Variants in AUTS2 observed in about 807,000 individuals in gnomAD.
AUTS2 encodes autism susceptibility gene 2 protein.
Under a neutral mutation model 112.4 loss-of-function variants are expected in AUTS2, and 17 were observed. The ratio of observed to expected loss-of-function variants is 0.15; its 90% CI spans 0.10 to 0.23. The LOEUF (loss-of-function observed/expected upper bound fraction) is 0.23, where lower values mean the gene tolerates loss of function less well. Ranked by LOEUF, AUTS2 falls within the 10% of genes least tolerant of loss-of-function variation. The pLI, the probability that AUTS2 is intolerant of heterozygous loss-of-function variation, is 1.00. For synonymous variants in AUTS2, 751 were observed against 702.7 expected (o/e 1.07, Z -1.09); for missense variants, 1,510 against 1,701.6 (o/e 0.89, Z 1.98).
At chr7:70,117,125 TTG>T (rs746737443) in intron 2 of AUTS2, among the ~76,000 whole-genome samples, 11 of 122,728 alleles carry the variant, frequency 9.0e-5, no homozygotes, top group African/African-American at 3.4e-4. Flanking sequence ...TTGTTTTTTT[TTG>T]TTTTTTTTTG....
chr7:69,756,437 C>G (rs991624201), intron 1 of AUTS2, among the ~76,000 whole-genome samples: 1 of 152,128 alleles, frequency 6.6e-6, no homozygotes, highest in African/African-American at 2.4e-5. Context: ...GAAGGAAATG[C>G]CTAAACACAG....
intron 1 of AUTS2, among the ~76,000 whole-genome samples, chr7:69,694,789 A>G (rs982613263): frequency 6.6e-6 from 1 of 152,218 alleles, no homozygotes; most frequent in Non-Finnish European, 1.5e-5. Flanking sequence ...ATTATTTTAC[A>G]AGGTGGCCTT....
intron 2 of AUTS2, among the ~76,000 whole-genome samples, chr7:70,082,393 A>G (rs528029994): frequency 1.3e-5 from 2 of 152,314 alleles, no homozygotes; most frequent in Admixed American, 6.5e-5. Flanking sequence ...CTAAGATCAC[A>G]TGTCTCCCTA....
At chr7:69,627,812 A>G (rs1407362767) in intron 1 of AUTS2, among the ~76,000 whole-genome samples, 2 of 152,216 alleles carry the variant, frequency 1.3e-5, no homozygotes, top group Non-Finnish European at 2.9e-5. Context: ...TTCCTTGTGT[A>G]TAAAATGGAA....
intron 4 of AUTS2, among the ~76,000 whole-genome samples, chr7:70,313,247 C>T (rs1018928924): frequency 3.3e-5 from 5 of 152,352 alleles, no homozygotes; most frequent in African/African-American, 7.2e-5. Context: ...CCATTTATAA[C>T]ACTTGTCCCA....
At chr7:69,745,941 A>C (rs1474698657) in intron 1 of AUTS2, among the ~76,000 whole-genome samples, 1 of 152,182 alleles carries the variant, frequency 6.6e-6, no homozygotes, top group Non-Finnish European at 1.5e-5. Flanking sequence ...GAGCACGATC[A>C]TAGCTCACTG....
At chr7:70,701,213 A>AG (rs1350805442) in intron 6 of AUTS2, among the ~76,000 whole-genome samples, 1 of 152,142 alleles carries the variant, frequency 6.6e-6, no homozygotes, top group African/African-American at 2.4e-5. Flanking sequence ...TCACCGTGGG[A>AG]GGGCAGTGCT....
chr7:70,362,325 C>G (rs1792307195), intron 4 of AUTS2, among the ~76,000 whole-genome samples: 2 of 151,308 alleles, frequency 1.3e-5, no homozygotes, highest in African/African-American at 4.9e-5. Flanking sequence ...CTTCCTTTCT[C>G]CACTTTGTTT....
chr7:70,558,650 T>C (rs1384878066), intron 5 of AUTS2, among the ~76,000 whole-genome samples: 1 of 152,236 alleles, frequency 6.6e-6, no homozygotes, highest in African/African-American at 2.4e-5. Context: ...AATATGCTAC[T>C]GTAGAACAAC....
intron 4 of AUTS2, among the ~76,000 whole-genome samples, chr7:70,240,978 T>G (rs879369487): frequency 1.6e-4 from 24 of 152,202 alleles, no homozygotes; most frequent in Non-Finnish European, 2.9e-5. Flanking sequence ...AGGTCCTTGT[T>G]GTTTGGACAT....
intron 1 of AUTS2, among the ~76,000 whole-genome samples, chr7:69,759,700 A>G (rs1788086368): frequency 7.6e-6 from 1 of 131,360 alleles, no homozygotes; most frequent in South Asian, 2.4e-4. Flanking sequence ...TCTTTTTGTG[A>G]CTGTATTATA....
intron 4 of AUTS2, among the ~76,000 whole-genome samples, chr7:70,265,806 C>T (rs1206299345): frequency 6.6e-6 from 1 of 152,170 alleles, no homozygotes; most frequent in Admixed American, 6.5e-5. Flanking sequence ...TTTTTTATAA[C>T]TTAAATGTGG....
chr7:69,872,336 C>A (rs1793536104), intron 1 of AUTS2, among the ~76,000 whole-genome samples: 1 of 152,200 alleles, frequency 6.6e-6, no homozygotes, highest in Non-Finnish European at 1.5e-5. Flanking sequence ...TCCATTGTGC[C>A]TTTCCACCTT....
chr7:70,621,539 A>G (rs557676930), intron 5 of AUTS2, among the ~76,000 whole-genome samples: 2 of 152,192 alleles, frequency 1.3e-5, no homozygotes, highest in Admixed American at 6.5e-5. Context: ...AGTCACAGAC[A>G]TTTTAGTTTT....
At chr7:69,977,244 T>G (rs1279793138) in intron 2 of AUTS2, among the ~76,000 whole-genome samples, 1 of 152,218 alleles carries the variant, frequency 6.6e-6, no homozygotes, top group Admixed American at 6.5e-5. Flanking sequence ...AAAGATTGTT[T>G]AACCATGTAT....
chr7:70,733,807 A>G (rs1787607175), intron 6 of AUTS2, among the ~76,000 whole-genome samples: 2 of 152,028 alleles, frequency 1.3e-5, no homozygotes, highest in Admixed American at 6.5e-5. Context: ...GGCTGGTCTC[A>G]AACTCCTGAC....
intron 1 of AUTS2, among the ~76,000 whole-genome samples, chr7:69,669,560 C>T (rs1796219634): frequency 1.3e-5 from 2 of 152,010 alleles, no homozygotes; most frequent in South Asian, 2.1e-4. Context: ...TTATAAATAA[C>T]ATGTATTTAT....
intron 4 of AUTS2, among the ~76,000 whole-genome samples, chr7:70,160,623 C>T (rs1808028003): frequency 2.0e-5 from 3 of 152,160 alleles, no homozygotes; most frequent in South Asian, 4.1e-4. Context: ...AGTTATCACC[C>T]AAAATGCATC....
At chr7:69,906,017 C>T (rs1163475379) in intron 2 of AUTS2, among the ~76,000 whole-genome samples, 1 of 152,070 alleles carries the variant, frequency 6.6e-6, no homozygotes, top group Non-Finnish European at 1.5e-5. Flanking sequence ...CCATTTAAAT[C>T]CCATATATTG....
Sources: gnomAD v4.1 joint callset for allele counts (sites outside exome capture counted in the v4.1 genomes callset) on GRCh38, gnomAD v4.1.1 for gene constraint, MANE v1.5 for transcripts, NCBI Gene and HGNC (gene_info 2026-07-23, HGNC 2026-07-21) for gene names.